The following ZMYM2 variants were observed in gnomAD, a reference collection of about 807,000 sequenced individuals.
ZMYM2 encodes zinc finger MYM-type containing 2, also known as zinc finger MYM-type protein 2.
Under a neutral mutation model 162.8 loss-of-function variants are expected in ZMYM2, and 56 were observed. That is an observed-to-expected ratio of 0.34 (90% CI 0.28 to 0.43). The LOEUF (loss-of-function observed/expected upper bound fraction) is 0.43, where lower values mean the gene tolerates loss of function less well. ZMYM2 is among the 20% of genes least tolerant of loss of function. ZMYM2 has a pLI of 1.00. For synonymous variants in ZMYM2, 510 were observed against 541.6 expected, an observed-to-expected ratio of 0.94 and a Z score of 0.81; for missense variants, 1,275 against 1,621.8, an observed-to-expected ratio of 0.79 and a Z score of 3.67.
In ZMYM2 at chr13:19,993,644, A is replaced by G. The variant is rs1458170489; in HGVS notation, c.572A>G (p.Glu191Gly). ...EIQIANVTTL[E>G]TGVSSVNDGQ... ...CAGATTGCTAATGTTACAACTTTAG[A>G]AACAGGTGTAAGCTCTGTGAATGAT... is the stretch of plus-strand genomic sequence containing the variant. The change falls in exon 3 of 25, where the codon GAA (glutamate) becomes GGA (glycine). Residue 191 changes from glutamate to glycine, a missense_variant. Around this residue, in one of 10 missense-constraint regions of ZMYM2, gnomAD observed 295 missense variants for 286.7 expected, o/e 1.03. Coordinates refer to ENST00000610343, the MANE Select transcript of ZMYM2 (RefSeq NM_197968.4). 6.2e-7 allele frequency: 1 copy of G among 1,614,000 alleles called. No individual in the cohort carries two copies. Among genetic ancestry groups the G allele is most frequent in the Non-Finnish European group, 8.5e-7 (1 of 1,179,956 alleles).
At chr13:19,998,696 C>T (rs1950187856) in intron 3 of ZMYM2, among the ~76,000 whole-genome samples, 1 of 152,006 alleles carries the variant, frequency 6.6e-6, no homozygotes, top group South Asian at 2.1e-4. Context: ...TTTGTTTCTC[C>T]AACTAAGGGG....
chr13:19,891,295 C>A, the ZMYM2 span, among the ~76,000 whole-genome samples: 39 of 151,946 alleles, frequency 2.6e-4, 1 homozygote, highest in African/African-American at 9.4e-4. Context: ...GTGTGACCAT[C>A]TGTAAACCAC....
At chr13:19,882,977 G>A in the ZMYM2 span, among the ~76,000 whole-genome samples, 1 of 152,108 alleles carries the variant, frequency 6.6e-6, no homozygotes, top group Non-Finnish European at 1.5e-5. Context: ...ACTATTCACA[G>A]TAGACAAAAG....
the ZMYM2 span, among the ~76,000 whole-genome samples, chr13:19,906,284 GTATATATATATATATATATATATATATA>G: frequency 9.4e-5 from 6 of 63,788 alleles, 1 homozygote; most frequent in South Asian, 1.4e-3. Context: ...TCAAAAAAAA[GTATATATATATATATATATATATATATA>G]TATATATATA....
chr13:20,065,643 A>G (rs1416096606), intron 19 of ZMYM2, among the ~76,000 whole-genome samples: 2 of 152,052 alleles, frequency 1.3e-5, no homozygotes, highest in African/African-American at 4.8e-5. Context: ...TACAAAAACT[A>G]AAAAATAAAA....
the ZMYM2 span, among the ~76,000 whole-genome samples, chr13:19,884,789 A>C: frequency 3.9e-5 from 6 of 152,140 alleles, no homozygotes; most frequent in Non-Finnish European, 8.8e-5. Flanking sequence ...CCAAGACAGA[A>C]AAACAAAATC....
intron 7 of ZMYM2, chr13:20,025,804 G>A: frequency 6.6e-6 from 1 of 152,396 alleles, no homozygotes; most frequent in East Asian, 1.9e-4. Flanking sequence ...CTATAAGCCT[G>A]TACAGCATGT....
the ZMYM2 span, among the ~76,000 whole-genome samples, chr13:19,916,513 A>C: frequency 2.4e-3 from 364 of 152,296 alleles, 3 homozygotes; most frequent in African/African-American, 7.5e-3. Flanking sequence ...ACATATACAC[A>C]ATGAAATACT....
Position 19,993,165 on chromosome 13 carries a change from A to G in ZMYM2, c.93A>G (p.Val31=), listed in dbSNP as rs1216799674. 16 of 1,614,172 alleles carry G rather than the reference A, an allele frequency of 9.9e-6. No homozygotes were observed. Among genetic ancestry groups the G allele is most frequent in the Non-Finnish European group, 1.3e-5 (15 of 1,180,026 alleles). Residue 31 remains valine, a synonymous_variant, in exon 3 of 25, where the codon GTA becomes GTG. Transcript: ENST00000610343. ...CCATGGCAACTAGTCTCACGAATGT[A>G]GGAAACTCATTTAGTGGTCCAGCTA... ...STAMATSLTN[V]GNSFSGPANP... is the part of the protein sequence containing the mutation.
chr13:19,884,815 A>G, the ZMYM2 span, among the ~76,000 whole-genome samples: 3 of 152,128 alleles, frequency 2.0e-5, no homozygotes, highest in Admixed American at 6.5e-5. Context: ...CAAGCCATAC[A>G]ACAAACATTC....
At chr13:19,903,483 C>CAAAAAAAAAA in the ZMYM2 span, among the ~76,000 whole-genome samples, 894 of 83,624 alleles carry the variant, frequency 0.011, 2 homozygotes, top group Middle Eastern at 0.015. Context: ...ACTAAAAATA[C>CAAAAAAAAAA]AAAAAAAAAA....
At chr13:19,931,128 G>A in the ZMYM2 span, among the ~76,000 whole-genome samples, 226 of 138,268 alleles carry the variant, frequency 1.6e-3, 1 homozygote, top group African/African-American at 6.2e-3. Flanking sequence ...GAAAGAGCGA[G>A]ACTCTCTCTC....
At chr13:19,881,369 C>T in the ZMYM2 span, among the ~76,000 whole-genome samples, 2 of 151,922 alleles carry the variant, frequency 1.3e-5, no homozygotes, top group Admixed American at 6.6e-5. Flanking sequence ...CATCTGTAAT[C>T]CCAGCACTCT....
the ZMYM2 span, among the ~76,000 whole-genome samples, chr13:19,902,074 G>C: frequency 6.6e-6 from 1 of 152,126 alleles, no homozygotes; most frequent in Non-Finnish European, 1.5e-5. Context: ...ACAGCCATGA[G>C]TCCTGGCACT....
chr13:20,060,234 C>T (rs750841803), intron 16 of ZMYM2, among the ~76,000 whole-genome samples: 35 of 152,126 alleles, frequency 2.3e-4, no homozygotes, highest in African/African-American at 4.1e-4. Flanking sequence ...TACCTTTCTT[C>T]GACAGTTAAC....
At chr13:19,931,963 T>A in the ZMYM2 span, among the ~76,000 whole-genome samples, 1 of 152,216 alleles carries the variant, frequency 6.6e-6, no homozygotes, top group Non-Finnish European at 1.5e-5. Context: ...AATATTTAAT[T>A]TCCAAAAAGG....
the ZMYM2 span, among the ~76,000 whole-genome samples, chr13:19,946,753 A>G: frequency 5.3e-5 from 8 of 152,220 alleles, no homozygotes; most frequent in African/African-American, 1.7e-4. Context: ...AGATCTTAGT[A>G]AAAGTTCCAT....
the ZMYM2 span, among the ~76,000 whole-genome samples, chr13:19,872,338 C>T: frequency 2.0e-5 from 3 of 151,956 alleles, no homozygotes; most frequent in African/African-American, 7.3e-5. Flanking sequence ...TCAGTTGAGG[C>T]CAGGAGTTCA....
chr13:19,887,056 G>C, the ZMYM2 span, among the ~76,000 whole-genome samples: 1 of 151,812 alleles, frequency 6.6e-6, no homozygotes, highest in Non-Finnish European at 1.5e-5. Flanking sequence ...ATTGGTAATT[G>C]CATCTAGAGG....
Sources: gnomAD v4.1 joint callset for allele counts (sites outside exome capture counted in the v4.1 genomes callset) on GRCh38, gnomAD v4.1.1 for gene constraint, gnomAD v4.1.1 regional missense constraint, MANE v1.5 for transcripts, NCBI Gene and HGNC (gene_info 2026-07-23, HGNC 2026-07-21) for gene names.